The following HCN2 variants were observed in gnomAD, a reference collection of about 807,000 sequenced individuals.
HCN2 encodes the protein potassium/sodium hyperpolarization-activated cyclic nucleotide-gated channel 2.
Under a neutral mutation model 52.3 loss-of-function variants are expected in HCN2, and 20 were observed. The observed-to-expected ratio is 0.38, with a 90% CI of 0.27 to 0.56. HCN2 has a LOEUF of 0.56. Ranked by LOEUF, HCN2 falls within the 20% of genes least tolerant of loss-of-function variation. The pLI is 0.71. For missense variants in HCN2, 981 were observed against 1,207.7 expected (o/e 0.81, Z 2.78); for synonymous variants, 694 against 537.0 (o/e 1.29, Z -4.04).
chr19:612,868 G>A (rs1983704782), intron 5 of HCN2, among the ~76,000 whole-genome samples: 1 of 149,992 alleles, frequency 6.7e-6, no homozygotes, highest in Non-Finnish European at 1.5e-5. Flanking sequence ...CGGTAGAGAC[G>A]GGGGTCTTAC....
rs1983877851 is a variant in HCN2 at position 615,790 on chromosome 19, C to CG, written c.1991-4dup. 2 of 1,611,070 alleles carry CG rather than the reference C, an allele frequency of 1.2e-6. No homozygotes were observed. The highest frequency in any genetic ancestry group is 2.0e-4 in the Middle Eastern group (1 of 5,042). ...GTGCACACGCTAACGCCCCCTCTCCCGCAGGCAAGAAGAATTCCATCCTCC... is the reference window on the plus strand; with the variant it reads ...GTGCACACGCTAACGCCCCCTCTCCCGGCAGGCAAGAAGAATTCCATCCTCC... On this transcript the variant is annotated splice_region_variant and splice_polypyrimidine_tract_variant and intron_variant, in intron 7 of 7. Coordinates refer to ENST00000251287, the MANE Select transcript of HCN2 (RefSeq NM_001194.4).
At chr19:613,709 ATGGGG>A (rs772311812) in intron 6 of HCN2, 138 bp from the exon 7 acceptor site, 15,276 of 228,108 alleles carry the variant, frequency 0.067, 2,547 homozygotes, top group Admixed American at 0.12. Flanking sequence ...GGGGCCGGGG[ATGGGG>A]CCGGGGCCGG....
intron 1 of HCN2, among the ~76,000 whole-genome samples, chr19:601,978 G>A (rs1044770696): frequency 3.3e-5 from 5 of 151,940 alleles, no homozygotes; most frequent in East Asian, 3.9e-4. Context: ...TTTATCATAC[G>A]GAACGTCCGA....
chr19:608,342 G>C (rs1043091641), intron 4 of HCN2, among the ~76,000 whole-genome samples, 160 bp downstream of exon 4: 2 of 139,046 alleles, frequency 1.4e-5, no homozygotes, highest in African/African-American at 5.0e-5. Flanking sequence ...GGGGTCTGAG[G>C]GCGGAGGTAG....
At chr19:597,772 C>T (rs550312264) in intron 1 of HCN2, among the ~76,000 whole-genome samples, 308 of 145,904 alleles carry the variant, frequency 2.1e-3, no homozygotes, top group African/African-American at 7.4e-3. Flanking sequence ...TTCTAGGTCC[C>T]CCTTGGTGGT....
chr19:604,658 G>C (rs1220259605), intron 2 of HCN2, among the ~76,000 whole-genome samples: 3 of 132,780 alleles, frequency 2.3e-5, no homozygotes, highest in East Asian at 4.6e-4. Flanking sequence ...GACTATGAGG[G>C]TTGTGCTGGG....
intron 4 of HCN2, among the ~76,000 whole-genome samples, chr19:609,336 C>T (rs190050221): frequency 1.2e-4 from 18 of 152,296 alleles, no homozygotes; most frequent in East Asian, 3.9e-4. Flanking sequence ...GGGGCTGACC[C>T]GATGGTTTCT....
chr19:610,525 T>A, intron 5 of HCN2, 120 bp downstream of exon 5: 1 of 871,644 alleles, frequency 1.1e-6, no homozygotes, highest in Non-Finnish European at 1.8e-6. Context: ...CAGGAGGGAC[T>A]CGAGCTAGAC....
At position 617,114 on chromosome 19, in the gene HCN2, C is replaced by G; in HGVS notation, c.*640C>G. The G allele has an allele frequency of 3.1e-6, 1 of 324,522 alleles. No individual in the cohort carries two copies. The highest frequency in any genetic ancestry group is 2.4e-5 in the South Asian group (1 of 40,830). 20.1% of individuals were successfully genotyped at this position (324,522 alleles called of 1,614,324 possible). On this transcript the variant is annotated 3_prime_UTR_variant, in exon 8 of 8. Transcript: ENST00000251287. ...ACCGTGGCCCCCCACGCCCCATTAA[C>G]CCCCACACCCCCATTCCGCGCAATA...
chr19:598,879 A>G (rs1176613714), intron 1 of HCN2, among the ~76,000 whole-genome samples: 1 of 152,184 alleles, frequency 6.6e-6, no homozygotes, highest in Non-Finnish European at 1.5e-5. Flanking sequence ...AAGCCCTGGA[A>G]TTACAGGCGT....
intron 1 of HCN2, among the ~76,000 whole-genome samples, chr19:598,104 G>T (rs1983093460): frequency 6.6e-6 from 1 of 152,224 alleles, no homozygotes; most frequent in Non-Finnish European, 1.5e-5. Flanking sequence ...GGGGCCAGCG[G>T]CAGGCGGGTG....
intron 5 of HCN2, among the ~76,000 whole-genome samples, chr19:611,610 C>T (rs1354765843): frequency 1.3e-5 from 2 of 152,302 alleles, no homozygotes; most frequent in South Asian, 2.1e-4. Flanking sequence ...TTGATGACTA[C>T]GGTTTCCATT....
rs1178728500 is a variant in HCN2, at chr19:592,911, G to A, written c.632+2334G>A. Reference sequence around the variant, plus strand: ...GCCCAAGGCCTCCTGTGCCTGGCTGGGTGTCTTGGGTCCTCGCTGGGCCCC... The same window carrying A: ...GCCCAAGGCCTCCTGTGCCTGGCTGAGTGTCTTGGGTCCTCGCTGGGCCCC... On this transcript the variant is annotated intron_variant, in intron 1 of 7. Transcript: ENST00000251287. The surrounding 1 kb of genome is among the most constrained non-coding windows in gnomAD (Gnocchi z 4.8). Among the ~76,000 whole-genome samples, 1 of 152,194 alleles carries A rather than the reference G, an allele frequency of 6.6e-6. No homozygotes were observed. The highest frequency in any genetic ancestry group is 1.5e-5 in the Non-Finnish European group (1 of 68,038).
At chr19:608,811 C>T (rs540778939) in intron 4 of HCN2, among the ~76,000 whole-genome samples, 45 of 152,220 alleles carry the variant, frequency 3.0e-4, no homozygotes, top group Non-Finnish European at 4.6e-4. Context: ...CGCCGGTGGC[C>T]GGCAGTCAGG....
chr19:611,625 C>A (rs1231616044), intron 5 of HCN2, among the ~76,000 whole-genome samples: 1 of 152,206 alleles, frequency 6.6e-6, no homozygotes, highest in African/African-American at 2.4e-5. Context: ...TCCATTCATT[C>A]ATTTGTAGAG....
intron 7 of HCN2, 152 bp downstream of exon 7, chr19:614,168 A>G (rs1234240572): frequency 5.2e-6 from 3 of 572,812 alleles, no homozygotes; most frequent in Non-Finnish European, 8.4e-6. Context: ...CCAAGGCATC[A>G]GGAGTGTGGC....
At chr19:606,225 C>T (rs1362241769) in intron 3 of HCN2, among the ~76,000 whole-genome samples, 2 of 152,080 alleles carry the variant, frequency 1.3e-5, no homozygotes, top group Admixed American at 6.5e-5. Flanking sequence ...CTCAGCCTCC[C>T]GAGTAGCTGG....
rs1230549709 is a variant in HCN2 at position 616,070 on chromosome 19, C to A, written c.2266C>A (p.Arg756Ser). ...GGGGCCGCTGGCGCTCGGCTCGCCGCGCCTCGTGCGCCGCCCGCCCCCGGG... is the reference window on the plus strand; with the variant it reads ...GGGGCCGCTGGCGCTCGGCTCGCCGAGCCTCGTGCGCCGCCCGCCCCCGGG... The part of the protein sequence containing the change: ...LVGPLALGSP[R>S]LVRRPPPGPA... The change falls in exon 8 of 8, where the codon CGC becomes AGC. Residue 756 changes from arginine (R) to serine (S), a missense_variant. Transcript: ENST00000251287. 9.1e-7 allele frequency: 1 copy of A among 1,101,862 alleles called. No individual in the cohort carries two copies. Among genetic ancestry groups the A allele is most frequent in the East Asian group, 5.3e-5 (1 of 18,882 alleles). The allele number at this position is 1,101,862 out of a possible 1,614,324, so 68.3% of individuals were successfully genotyped here.
chr19:590,028 C>A lies in HCN2; in HGVS notation c.83C>A (p.Pro28His). Reference sequence around the variant, plus strand: ...CCGGGGCCGCCGCCGCCGCCGCCGCCCGCGCCCCCCCAACAGCAGCCGCCG... The same window carrying A: ...CCGGGGCCGCCGCCGCCGCCGCCGCACGCGCCCCCCCAACAGCAGCCGCCG... ...PAPGPPPPPP[P>H]APPQQQPPPP... The change falls in exon 1 of 8, where the codon CCC becomes CAC. Residue 28 changes from proline (P) to histidine (H), a missense_variant. Physicochemically the swap from Pro to His is moderately conservative, Grantham distance 77. Around this residue, in one of 6 missense-constraint regions of HCN2, gnomAD observed 215 missense variants for 179.4 expected, o/e 1.20. Transcript: ENST00000251287. This position sits in a 1 kb window ranked among gnomAD's most constrained non-coding sequence, Gnocchi z 7.2. 1.7e-6 allele frequency: 1 copy of A among 602,200 alleles called. No individual in the cohort carries two copies. The highest frequency in any genetic ancestry group is 2.0e-6 in the Non-Finnish European group (1 of 490,370). 37.3% of individuals were successfully genotyped at this position (602,200 alleles called of 1,614,324 possible).
Sources: allele counts gnomAD v4.1 joint callset (sites outside exome capture counted in the v4.1 genomes callset), GRCh38; gene constraint gnomAD v4.1.1; regional missense constraint gnomAD v4.1.1; non-coding constraint Gnocchi (gnomAD v3.1); transcripts MANE v1.5; gene names NCBI Gene and HGNC (gene_info 2026-07-23, HGNC 2026-07-21).